Variants in MECOM observed in about 807,000 individuals in gnomAD.
MECOM encodes histone-lysine N-methyltransferase MECOM.
Under a neutral mutation model 116.3 loss-of-function variants are expected in MECOM, and 13 were observed. That is an observed-to-expected ratio of 0.11 (90% CI 0.07 to 0.18). The LOEUF is 0.18. Among genes scored for constraint, MECOM ranks in the 10% least tolerant of loss-of-function variants. The pLI, the probability that MECOM is intolerant of heterozygous loss-of-function variation, is 1.00. For synonymous variants in MECOM, 528 were observed against 535.2 expected, an observed-to-expected ratio of 0.99 and a Z score of 0.19; for missense variants, 1,299 against 1,509.0, an observed-to-expected ratio of 0.86 and a Z score of 2.31.
At chr3:169,479,681 G>A (rs546270422) in intron 1 of MECOM, among the ~76,000 whole-genome samples, 17 of 140,850 alleles carry the variant, frequency 1.2e-4, no homozygotes, top group Non-Finnish European at 2.5e-4. Flanking sequence ...AAAAAAATTT[G>A]CCTGATTCTC....
chr3:169,431,691 C>T (rs1048711301), intron 1 of MECOM, among the ~76,000 whole-genome samples: 2 of 152,192 alleles, frequency 1.3e-5, no homozygotes, highest in Admixed American at 6.5e-5. Context: ...TGCCACAAAT[C>T]CTAAAGCCAA....
chr3:169,197,348 TA>T (rs1220583798), intron 2 of MECOM, among the ~76,000 whole-genome samples: 10 of 149,258 alleles, frequency 6.7e-5, no homozygotes, highest in African/African-American at 2.0e-4. Flanking sequence ...ATAAATAAAA[TA>T]AAATAAAATA....
intron 1 of MECOM, among the ~76,000 whole-genome samples, chr3:169,537,053 T>C (rs1759455662): frequency 6.6e-6 from 1 of 152,180 alleles, no homozygotes; most frequent in Admixed American, 6.5e-5. Context: ...CTACACCCTC[T>C]CCACTGGATC....
At chr3:169,232,126 C>T (rs1753474295) in intron 2 of MECOM, among the ~76,000 whole-genome samples, 1 of 152,176 alleles carries the variant, frequency 6.6e-6, no homozygotes, top group African/African-American at 2.4e-5. Context: ...GCCTTTTCTC[C>T]TTTCTGATCA....
At chr3:169,521,393 A>C (rs972398378) in intron 1 of MECOM, among the ~76,000 whole-genome samples, 1 of 152,190 alleles carries the variant, frequency 6.6e-6, no homozygotes, top group African/African-American at 2.4e-5. Flanking sequence ...TCTCTTATCC[A>C]AGAGGAAAGG....
At chr3:169,306,770 T>C (rs1717786453) in intron 2 of MECOM, among the ~76,000 whole-genome samples, 1 of 152,248 alleles carries the variant, frequency 6.6e-6, no homozygotes, top group Admixed American at 6.5e-5. Flanking sequence ...CCTGCTGCTA[T>C]GGCTGTATAT....
chr3:169,478,912 C>T (rs544473382), intron 1 of MECOM, among the ~76,000 whole-genome samples: 5 of 152,284 alleles, frequency 3.3e-5, no homozygotes, highest in South Asian at 2.1e-4. Context: ...CAGTAGGACT[C>T]CACAATCTTG....
intron 10 of MECOM, among the ~76,000 whole-genome samples, chr3:169,103,220 C>T (rs1724192986): frequency 2.6e-5 from 4 of 151,752 alleles, no homozygotes; most frequent in Admixed American, 1.3e-4. Context: ...CCACCTGCTT[C>T]GGTCTCCCAA....
chr3:169,253,955 AAAG>A (rs1756556909), intron 2 of MECOM, among the ~76,000 whole-genome samples: 1 of 152,166 alleles, frequency 6.6e-6, no homozygotes, highest in South Asian at 2.1e-4. Context: ...ATGATGATCC[AAAG>A]AATAATGACA....
intron 2 of MECOM, among the ~76,000 whole-genome samples, chr3:169,219,941 T>A (rs1751919569): frequency 6.7e-6 from 1 of 148,838 alleles, no homozygotes; most frequent in Non-Finnish European, 1.5e-5. Context: ...ATTATTCTAA[T>A]ATGTATAATT....
chr3:169,463,873 A>C (rs1290620397), intron 1 of MECOM: 1 of 152,194 alleles, frequency 6.6e-6, no homozygotes, highest in East Asian at 1.9e-4. Flanking sequence ...TTTATCAAAT[A>C]TAATTTTGTT....
intron 1 of MECOM, among the ~76,000 whole-genome samples, chr3:169,384,846 T>C (rs1733037327): frequency 6.6e-6 from 1 of 152,150 alleles, no homozygotes; most frequent in Non-Finnish European, 1.5e-5. Context: ...CTCCAGCCTG[T>C]AACCCTAGCA....
chr3:169,165,954 A>T (rs533227635), intron 2 of MECOM, among the ~76,000 whole-genome samples: 1 of 152,118 alleles, frequency 6.6e-6, no homozygotes, highest in Non-Finnish European at 1.5e-5. Flanking sequence ...TCAACAGCTT[A>T]AGTGAAGGGA....
intron 2 of MECOM, among the ~76,000 whole-genome samples, chr3:169,257,520 T>C (rs185155362): frequency 2.6e-4 from 40 of 152,322 alleles, no homozygotes; most frequent in African/African-American, 8.9e-4. Context: ...AGACTGAGGC[T>C]AGTCACCTAT....
chr3:169,398,176 A>G (rs1172538028), intron 1 of MECOM, among the ~76,000 whole-genome samples: 1 of 152,226 alleles, frequency 6.6e-6, no homozygotes, highest in East Asian at 1.9e-4. Context: ...ATATTTAAAC[A>G]AAATCTTTTG....
At chr3:169,238,563 C>T (rs1043386049) in intron 2 of MECOM, among the ~76,000 whole-genome samples, 28 of 152,062 alleles carry the variant, frequency 1.8e-4, no homozygotes, top group African/African-American at 6.0e-4. Context: ...CCAAAAAAAC[C>T]CCACGAACAA....
Position 169,634,220 on chromosome 3 carries a change from ATGCACAAACATGTG to A in MECOM, c.37+29102_37+29115del, listed in dbSNP as rs1357966323. 6.8e-5 allele frequency among the ~76,000 whole-genome samples: 10 copies of A among 148,006 alleles called. No homozygotes were observed. In the East Asian group the frequency reaches 1.4e-3, roughly 21 times the overall value. On this transcript the variant is annotated intron_variant, in intron 1 of 16. Coordinates refer to ENST00000651503, the MANE Select transcript of MECOM (RefSeq NM_004991.4). ...CCAAGTCTCCAGAACACACATGGGTATGCACAAACATGTGTGCACAAACACACACACACACACAC... is the reference window on the plus strand; with the variant it reads ...CCAAGTCTCCAGAACACACATGGGTATGCACAAACACACACACACACACAC...
chr3:169,221,649 A>G (rs1259620598), intron 2 of MECOM, among the ~76,000 whole-genome samples: 2 of 152,074 alleles, frequency 1.3e-5, no homozygotes, highest in African/African-American at 4.8e-5. Flanking sequence ...GTGATCACTA[A>G]GAATTCATCT....
intron 2 of MECOM, 46 bp from the exon 3 acceptor site, chr3:169,143,878 T>C: frequency 2.7e-6 from 4 of 1,503,322 alleles, no homozygotes; most frequent in Non-Finnish European, 3.6e-6. Flanking sequence ...ATTGGCCCAC[T>C]CATTAAAATA....
Sources: allele counts gnomAD v4.1 joint callset (sites outside exome capture counted in the v4.1 genomes callset), GRCh38; gene constraint gnomAD v4.1.1; transcripts MANE v1.5; gene names NCBI Gene and HGNC (gene_info 2026-07-23, HGNC 2026-07-21).